Variants in MALRD1 observed in about 807,000 individuals in gnomAD.
The protein encoded by MALRD1 is MAM and LDL receptor class A domain containing 1.
Under a neutral mutation model 242.1 loss-of-function variants are expected in MALRD1, and 247 were observed. The observed-to-expected ratio is 1.02, with a 90% CI of 0.92 to 1.13. The LOEUF (loss-of-function observed/expected upper bound fraction) is 1.13, where lower values mean the gene tolerates loss of function less well. Ranked by LOEUF, MALRD1 falls within the 50% of genes most tolerant of loss-of-function variation. The pLI, the probability that MALRD1 is intolerant of heterozygous loss-of-function variation, is 0.00. For missense variants in MALRD1, 2,989 were observed against 2,533.1 expected (o/e 1.18, Z -3.86); for synonymous variants, 995 against 866.6 (o/e 1.15, Z -2.60).
intron 36 of MALRD1, among the ~76,000 whole-genome samples, chr10:19,678,566 T>G (rs988430811): frequency 6.6e-6 from 1 of 152,240 alleles, no homozygotes; most frequent in African/African-American, 2.4e-5. Context: ...AAGAAGCTTT[T>G]GGGCTGAGAT....
chr10:19,050,664 C>T (rs1214047161), intron 1 of MALRD1, among the ~76,000 whole-genome samples: 1 of 152,148 alleles, frequency 6.6e-6, no homozygotes, highest in Non-Finnish European at 1.5e-5. Context: ...GGCAAAGATT[C>T]ATTTGTATTT....
intron 13 of MALRD1, among the ~76,000 whole-genome samples, 186 bp from the exon 14 acceptor site, chr10:19,175,021 TA>T (rs1276541713): frequency 6.6e-6 from 1 of 152,224 alleles, no homozygotes; most frequent in Non-Finnish European, 1.5e-5. Context: ...TTAAGGTACA[TA>T]AGATGCTGTC....
Position 19,646,753 on chromosome 10 carries a change from A to T in MALRD1, c.6137+30830A>T, listed in dbSNP as rs116532479. Among the ~76,000 whole-genome samples the T allele has an allele frequency of 4.1e-4, 62 of 152,330 alleles. 1 individual carries two copies. Among genetic ancestry groups the T allele is most frequent in the African/African-American group, 1.3e-3 (54 of 41,582 alleles). On this transcript the variant is annotated intron_variant, in intron 36 of 39. Coordinates refer to ENST00000454679, the MANE Select transcript of MALRD1 (RefSeq NM_001142308.3). ...GTCTGGCAAATGTGTGCTTTAAAAAAATATATATAATGCTAATGATAATCC... is the reference window on the plus strand; with the variant it reads ...GTCTGGCAAATGTGTGCTTTAAAAATATATATATAATGCTAATGATAATCC...
intron 14 of MALRD1, among the ~76,000 whole-genome samples, chr10:19,180,418 C>G (rs1835455743): frequency 6.6e-6 from 1 of 152,196 alleles, no homozygotes; most frequent in South Asian, 2.1e-4. Flanking sequence ...TAAATCTAAA[C>G]ATAAAAGACC....
At chr10:19,495,164 A>G (rs1837657187) in intron 30 of MALRD1, among the ~76,000 whole-genome samples, 1 of 151,958 alleles carries the variant, frequency 6.6e-6, no homozygotes, top group Non-Finnish European at 1.5e-5. Context: ...TTTAGTAGAG[A>G]TGGGGTGTTG....
At chr10:19,720,654 C>A (rs1420516317) in intron 38 of MALRD1, among the ~76,000 whole-genome samples, 1 of 152,084 alleles carries the variant, frequency 6.6e-6, no homozygotes, top group Admixed American at 6.6e-5. Context: ...TCTCAGATTC[C>A]CCTTCTCCAA....
chr10:19,202,627 G>T (rs1053772433), intron 14 of MALRD1, among the ~76,000 whole-genome samples: 7 of 151,928 alleles, frequency 4.6e-5, no homozygotes, highest in African/African-American at 1.2e-4. Flanking sequence ...TTTTACAAGG[G>T]TGTGTCTATG....
chr10:19,304,336 CA>C (rs140575230), intron 21 of MALRD1, among the ~76,000 whole-genome samples: 25 of 151,470 alleles, frequency 1.7e-4, no homozygotes, highest in African/African-American at 5.8e-4. Flanking sequence ...GTCTATCCCT[CA>C]TCTCTCTCTC....
rs541065237 is a variant in MALRD1 at position 19,124,374 on chromosome 10, G to C, written c.797-150G>C. 11 of 678,774 alleles carry C rather than the reference G, an allele frequency of 1.6e-5. No individual in the cohort carries two copies. In the Admixed American group the frequency reaches 3.1e-4, roughly 19 times the overall value. 42.0% of individuals were successfully genotyped at this position (678,774 alleles called of 1,614,324 possible). On this transcript the variant is annotated intron_variant, in intron 6 of 39. Coordinates refer to ENST00000454679, the MANE Select transcript of MALRD1 (RefSeq NM_001142308.3). Reference sequence around the variant, plus strand: ...AATGGAGTTGCTGGTACACTCGAAGGCTTATTGAATCCAAACTTGCAGATA... The same window carrying C: ...AATGGAGTTGCTGGTACACTCGAAGCCTTATTGAATCCAAACTTGCAGATA...
chr10:19,264,606 A>G (rs930364584), intron 19 of MALRD1, among the ~76,000 whole-genome samples: 3 of 151,692 alleles, frequency 2.0e-5, no homozygotes, highest in Admixed American at 6.6e-5. Context: ...GGCGCCCACC[A>G]CCATGCCCAG....
At chr10:19,310,843 G>A (rs565259638) in intron 21 of MALRD1, among the ~76,000 whole-genome samples, 4 of 151,324 alleles carry the variant, frequency 2.6e-5, no homozygotes, top group African/African-American at 4.8e-5. Flanking sequence ...TCCCTTCTCC[G>A]GGTATTATCT....
rs553931053 is a variant in MALRD1 at position 19,227,368 on chromosome 10, C to T, written c.2991+17688C>T. 3.9e-5 allele frequency among the ~76,000 whole-genome samples: 6 copies of T among 151,922 alleles called. No homozygotes were observed. In the South Asian group the frequency reaches 6.2e-4, roughly 16 times the overall value. Reference sequence around the variant, plus strand: ...CATGGCCAAAGTTGCCGAAATAATTCAATAAGGAAATCAATGTCTTTATAA... The same window carrying T: ...CATGGCCAAAGTTGCCGAAATAATTTAATAAGGAAATCAATGTCTTTATAA... On this transcript the variant is annotated intron_variant, in intron 18 of 39. Coordinates refer to ENST00000454679, the MANE Select transcript of MALRD1 (RefSeq NM_001142308.3).
At chr10:19,288,715 C>G (rs1841260573) in intron 21 of MALRD1, among the ~76,000 whole-genome samples, 1 of 152,108 alleles carries the variant, frequency 6.6e-6, no homozygotes, top group Non-Finnish European at 1.5e-5. Context: ...TCCTCTCATT[C>G]TGATGATTCC....
At chr10:19,436,606 T>C (rs1834359212) in intron 28 of MALRD1, among the ~76,000 whole-genome samples, 1 of 152,154 alleles carries the variant, frequency 6.6e-6, no homozygotes, top group Admixed American at 6.6e-5. Context: ...GTGCAGTTCC[T>C]TTTCCCTTTA....
intron 21 of MALRD1, among the ~76,000 whole-genome samples, chr10:19,293,064 G>C (rs1251627622): frequency 6.6e-6 from 1 of 152,116 alleles, no homozygotes; most frequent in African/African-American, 2.4e-5. Flanking sequence ...CCCTTAGACA[G>C]TAAATACCAG....
Position 19,209,392 on chromosome 10 carries a change from T to A in MALRD1, c.2703T>A (p.Asp901Glu). The change falls in exon 18 of 40, where the codon GAT becomes GAA. Residue 901 changes from aspartate (D) to glutamate (E), a missense_variant. Asp to Glu is a conservative substitution (Grantham distance 45). Coordinates refer to ENST00000454679, the MANE Select transcript of MALRD1 (RefSeq NM_001142308.3). ...CACTTAACACAGGGCCAATGAAAGA[T>A]AACACTCTGGGCACAGCTAAAGGAC... ...TPTLNTGPMKDNTLGTAKGHY... is the reference protein window; with the variant it reads ...TPTLNTGPMKENTLGTAKGHY... The A allele has an allele frequency of 6.4e-7, 1 of 1,551,036 alleles. No homozygotes were observed. Among genetic ancestry groups the A allele is most frequent in the South Asian group, 1.2e-5 (1 of 84,056 alleles).
At chr10:19,203,193 TC>T (rs201252202) in intron 14 of MALRD1, among the ~76,000 whole-genome samples, 6,975 of 120,916 alleles carry the variant, frequency 0.058, 219 homozygotes, top group South Asian at 0.16. Context: ...GAAAAATAGT[TC>T]AAATTATTTT....
intron 36 of MALRD1, among the ~76,000 whole-genome samples, chr10:19,621,809 A>G (rs529208549): frequency 6.6e-6 from 1 of 151,932 alleles, no homozygotes; most frequent in African/African-American, 2.4e-5. Flanking sequence ...TAAGAAACGG[A>G]AAAAAATTTT....
chr10:19,169,011 A>C (rs188775897), intron 13 of MALRD1, among the ~76,000 whole-genome samples: 1 of 152,246 alleles, frequency 6.6e-6, no homozygotes, highest in Non-Finnish European at 1.5e-5. Flanking sequence ...AAGAAGGCCA[A>C]GACAGCCCTA....
Sources: allele counts gnomAD v4.1 joint callset (sites outside exome capture counted in the v4.1 genomes callset), GRCh38; gene constraint gnomAD v4.1.1; transcripts MANE v1.5; gene names NCBI Gene and HGNC (gene_info 2026-07-23, HGNC 2026-07-21).